CD99L2: variants seen among roughly 807,000 people sequenced by gnomAD.
The protein encoded by CD99L2 is CD99 molecule like 2.
CD99L2 carries 24 observed loss-of-function variants against 27.3 expected under a neutral mutation model. The ratio of observed to expected loss-of-function variants is 0.88; its 90% CI spans 0.64 to 1.24. CD99L2 has a LOEUF of 1.24. Among genes scored for constraint, CD99L2 ranks in the 50% most tolerant of loss-of-function variants. CD99L2 has a pLI of 0.00. For missense variants in CD99L2, 255 were observed against 221.6 expected (o/e 1.15, Z -0.96); for synonymous variants, 97 against 87.9 (o/e 1.10, Z -0.58).
intron 9 of CD99L2, chrX:150,771,782 T>A: frequency 8.7e-7 from 1 of 1,153,834 alleles, no homozygotes; most frequent in Non-Finnish European, 1.1e-6. Context: ...AAAAGGAAAG[T>A]GAGGAAGGCA....
At chrX:150,890,145 C>T (rs933601982) in intron 1 of CD99L2, among the ~76,000 whole-genome samples, 83 of 84,327 alleles carry the variant, frequency 9.8e-4, no homozygotes, top group African/African-American at 4.8e-3. Context: ...AGCGAGACTC[C>T]GTCTCAAAAT....
chrX:150,897,261 T>C (rs1251620213), intron 1 of CD99L2, among the ~76,000 whole-genome samples: 4 of 112,553 alleles, frequency 3.6e-5, no homozygotes, highest in African/African-American at 6.5e-5. Context: ...GATTTCAATG[T>C]TGGGCTTGTT....
Position 150,777,424 on chromosome X carries a change from C to G in CD99L2, c.535+20G>C, listed in dbSNP as rs782267082. 4.1e-6 allele frequency: 5 copies of G among 1,211,446 alleles called. No individual in the cohort carries two copies. The highest frequency in any genetic ancestry group is 3.0e-5 in the East Asian group (1 of 33,853). Reference sequence around the variant, plus strand: ...TTCCTTTCACATGGCCAACAGGAGCCTCAGGATTCAGAAACCCACCAGATC... The same window carrying G: ...TTCCTTTCACATGGCCAACAGGAGCGTCAGGATTCAGAAACCCACCAGATC... On this transcript the variant is annotated intron_variant, in intron 8 of 10. Transcript: ENST00000370377.
Position 150,875,995 on chromosome X carries a change from C to T in CD99L2, c.67+22527G>A, listed in dbSNP as rs149210277. Among the ~76,000 whole-genome samples the T allele has an allele frequency of 5.1e-3, 570 of 112,500 alleles. 7 individuals are homozygous for T. Among genetic ancestry groups the T allele is most frequent in the Middle Eastern group, 0.014 (3 of 219 alleles). On this transcript the variant is annotated intron_variant, in intron 1 of 10. Transcript: ENST00000370377. ...AGACTAATACAGAATTCTTCTAAGA[C>T]TGCCTTTGTTCATGTCGCATGATGC... is the stretch of plus-strand genomic sequence containing the variant.
At chrX:150,874,809 C>A (rs782592017) in intron 1 of CD99L2, among the ~76,000 whole-genome samples, 19 of 112,212 alleles carry the variant, frequency 1.7e-4, no homozygotes, top group Middle Eastern at 4.6e-3. Flanking sequence ...CTCTGTCTAG[C>A]TCTTCAATTT....
At chrX:150,793,313 C>T (rs2045725815) in intron 7 of CD99L2, among the ~76,000 whole-genome samples, 1 of 112,543 alleles carries the variant, frequency 8.9e-6, no homozygotes, top group South Asian at 3.7e-4. Context: ...AAATGCTCGT[C>T]ATGATGACTT....
chrX:150,826,107 C>T, intron 2 of CD99L2, among the ~76,000 whole-genome samples: 1 of 111,685 alleles, frequency 9.0e-6, no homozygotes, highest in East Asian at 2.8e-4. Flanking sequence ...CCCTTTTGCC[C>T]CTTCTGCCAT....
chrX:150,795,558 G>A, intron 4 of CD99L2, 72 bp from the exon 5 acceptor site: 3 of 1,029,962 alleles, frequency 2.9e-6, no homozygotes, highest in South Asian at 3.9e-5. Flanking sequence ...CATGGCTCAG[G>A]GAAGTCACAT....
intron 7 of CD99L2, among the ~76,000 whole-genome samples, chrX:150,787,800 C>T (rs1320492883): frequency 9.9e-6 from 1 of 101,207 alleles, no homozygotes; most frequent in Admixed American, 1.1e-4. Flanking sequence ...ATGTAAATGA[C>T]GAGTTAATGG....
At chrX:150,829,137 G>A (rs1188788619) in intron 2 of CD99L2, 1 of 121,902 alleles carries the variant, frequency 8.2e-6, no homozygotes, top group Non-Finnish European at 1.6e-5. Flanking sequence ...TGCATACTAT[G>A]GCATACCGTG....
chrX:150,835,203 T>C (rs1200163564), intron 1 of CD99L2, among the ~76,000 whole-genome samples: 1 of 112,182 alleles, frequency 8.9e-6, no homozygotes, highest in Non-Finnish European at 1.9e-5. Context: ...TTAATAATAA[T>C]GTATTGTATA....
intron 7 of CD99L2, among the ~76,000 whole-genome samples, chrX:150,780,340 A>G (rs894264545): frequency 8.9e-6 from 1 of 112,296 alleles, no homozygotes; most frequent in East Asian, 2.8e-4. Context: ...GAACCCCTAA[A>G]CATTGCTAGC....
intron 2 of CD99L2, chrX:150,816,390 A>C: frequency 3.4e-6 from 1 of 295,699 alleles, no homozygotes; most frequent in Admixed American, 5.2e-5. Context: ...TGGTCCAGGG[A>C]GTTCCACAGC....
chrX:150,770,415 G>C (rs782355220), intron 9 of CD99L2, 46 bp from the exon 10 acceptor site: 6 of 1,131,678 alleles, frequency 5.3e-6, no homozygotes, highest in African/African-American at 3.5e-5. Context: ...CAGGACCTAA[G>C]GGTCCCCAAT....
chrX:150,818,944 G>A, intron 2 of CD99L2: 1 of 351,408 alleles, frequency 2.8e-6, no homozygotes, highest in South Asian at 2.8e-5. Flanking sequence ...GTGCTAGGGT[G>A]GGGACTTCAC....
intron 1 of CD99L2, among the ~76,000 whole-genome samples, chrX:150,850,925 C>T (rs1289784392): frequency 9.0e-6 from 1 of 111,482 alleles, no homozygotes. Flanking sequence ...GCAACCTCTG[C>T]CTCCCGGGTT....
In CD99L2 at chrX:150,898,638, G is replaced by A. The variant is rs187482689; in HGVS notation, c.-50C>T. 3,899 of 1,032,630 alleles carry A rather than the reference G, an allele frequency of 3.8e-3. 85 individuals carry two copies. In the African/African-American group the frequency reaches 0.064, roughly 17 times the overall value. 85.1% of individuals were successfully genotyped at this position (1,032,630 alleles called of 1,213,427 possible). A position where few individuals can be genotyped will look rare whatever the true frequency, so the allele number is the denominator to read the frequency against. ...GGAGGAGCACAGTTAGCGCGAGAGC[G>A]CCCGAAGGGGAGGCCGAGGAGGAGC... On this transcript the variant is annotated 5_prime_UTR_variant, in exon 1 of 11. Transcript: ENST00000370377.
At chrX:150,805,040 A>G (rs1557420197) in intron 4 of CD99L2, among the ~76,000 whole-genome samples, 1 of 111,196 alleles carries the variant, frequency 9.0e-6, no homozygotes, top group African/African-American at 3.3e-5. Context: ...AATAAAACAA[A>G]ATAAAAATAA....
chrX:150,793,271 A>C lies in CD99L2; in HGVS notation c.496+420T>G, dbSNP rs889815251. Among the ~76,000 whole-genome samples, 4 of 112,512 alleles carry C rather than the reference A, an allele frequency of 3.6e-5. No homozygotes were observed. In the East Asian group the frequency reaches 1.1e-3, roughly 31 times the overall value. Reference sequence around the variant, plus strand: ...TTTCAAAATAAAAAGGTATTTTAAAAGATATCTGACTTGCTATGGGTCTCT... The same window carrying C: ...TTTCAAAATAAAAAGGTATTTTAAACGATATCTGACTTGCTATGGGTCTCT... On this transcript the variant is annotated intron_variant, in intron 7 of 10. Coordinates refer to ENST00000370377, the MANE Select transcript of CD99L2 (RefSeq NM_031462.4).
Sources: allele counts gnomAD v4.1 joint callset (sites outside exome capture counted in the v4.1 genomes callset), GRCh38; gene constraint gnomAD v4.1.1; transcripts MANE v1.5; gene names NCBI Gene and HGNC (gene_info 2026-07-23, HGNC 2026-07-21).